Variants in ISY1 observed in about 807,000 individuals in gnomAD.
ISY1 encodes the protein pre-mRNA-splicing factor ISY1 homolog.
A neutral mutation model predicts 54.4 loss-of-function variants in ISY1; 12 were observed. The ratio of observed to expected loss-of-function variants is 0.22; its 90% CI spans 0.14 to 0.36. The LOEUF (loss-of-function observed/expected upper bound fraction) is 0.36. ISY1 is among the 10% of genes least tolerant of loss of function. The pLI, the probability that ISY1 is intolerant of heterozygous loss-of-function variation, is 1.00. For missense variants in ISY1, 282 were observed against 342.2 expected, an observed-to-expected ratio of 0.82 and a Z score of 1.39; for synonymous variants, 96 against 117.9, an observed-to-expected ratio of 0.81 and a Z score of 1.20.
intron 8 of ISY1, among the ~76,000 whole-genome samples, chr3:129,134,469 AAG>A (rs1015284294): frequency 6.6e-6 from 1 of 152,192 alleles, no homozygotes; most frequent in Non-Finnish European, 1.5e-5. Flanking sequence ...TCCACATGAA[AAG>A]AGAGAAGGCA....
intron 5 of ISY1, among the ~76,000 whole-genome samples, chr3:129,147,593 G>A (rs1936807962): frequency 6.6e-6 from 1 of 152,116 alleles, no homozygotes; most frequent in Non-Finnish European, 1.5e-5. Flanking sequence ...GCATCTTGGA[G>A]AAAACAAGAA....
chr3:129,135,765 C>CA (rs751769006), intron 7 of ISY1, among the ~76,000 whole-genome samples: 2,022 of 109,442 alleles, frequency 0.018, 20 homozygotes, highest in African/African-American at 0.019. Context: ...GACTCCATCT[C>CA]AAAAAAAAAA....
intron 6 of ISY1, among the ~76,000 whole-genome samples, chr3:129,143,414 A>T (rs1221956865): frequency 1.3e-5 from 2 of 149,876 alleles, no homozygotes; most frequent in African/African-American, 2.5e-5. Flanking sequence ...GCTGGGGCAC[A>T]AGAATTGCTT....
At chr3:129,154,689 G>T (rs545036608) in intron 5 of ISY1, among the ~76,000 whole-genome samples, 1 of 115,098 alleles carries the variant, frequency 8.7e-6, no homozygotes, top group South Asian at 3.3e-4. Flanking sequence ...CAATTTTATT[G>T]ATCTTTTTTT....
At chr3:129,149,682 C>A (rs1936894323) in intron 5 of ISY1, among the ~76,000 whole-genome samples, 1 of 136,228 alleles carries the variant, frequency 7.3e-6, no homozygotes. Flanking sequence ...CTTGTAGTCC[C>A]AGCTACTTGG....
Position 129,127,872 on chromosome 3 carries a change from G to A in ISY1, c.*2209C>T, listed in dbSNP as rs1205064024. The stretch of plus-strand genomic sequence containing the variant: ...CACCTGCCATCCTTCCCAGGGAGAA[G>A]GAAGGCCTGATGTCTGGATTCCCCA... On this transcript the variant is annotated 3_prime_UTR_variant, in exon 11 of 11. Coordinates refer to ENST00000393295, the MANE Select transcript of ISY1 (RefSeq NM_020701.4). 3 of 152,290 alleles carry A rather than the reference G, an allele frequency of 2.0e-5. No homozygotes were observed. The highest frequency in any genetic ancestry group is 7.2e-5 in the African/African-American group (3 of 41,468). The allele number at this position is 152,290 out of a possible 1,614,324, so 9.4% of individuals were successfully genotyped here. A position where few individuals can be genotyped will look rare whatever the true frequency, so the allele number is the denominator to read the frequency against.
chr3:129,159,790 G>C (rs893234240), intron 1 of ISY1, among the ~76,000 whole-genome samples: 3 of 152,112 alleles, frequency 2.0e-5, no homozygotes, highest in Non-Finnish European at 4.4e-5. Context: ...CTATCACTCA[G>C]TTTCCCCATC....
At chr3:129,152,985 G>A (rs373713883) in intron 5 of ISY1, among the ~76,000 whole-genome samples, 55 of 149,258 alleles carry the variant, frequency 3.7e-4, no homozygotes, top group African/African-American at 1.2e-3. Flanking sequence ...AAGGTATTTA[G>A]AAATGAATTC....
At chr3:129,159,001 G>C (rs770116752) in intron 2 of ISY1, among the ~76,000 whole-genome samples, 153 bp downstream of exon 2, 2 of 152,082 alleles carry the variant, frequency 1.3e-5, no homozygotes, top group Non-Finnish European at 2.9e-5. Flanking sequence ...GGCAAAAACA[G>C]GAATGTTTTT....
chr3:129,135,043 G>A (rs1936350241), intron 7 of ISY1, 89 bp from the exon 8 acceptor site: 2 of 1,454,810 alleles, frequency 1.4e-6, no homozygotes, highest in Non-Finnish European at 1.8e-6. Flanking sequence ...ACACACACGT[G>A]GCACGTATGT....
intron 3 of ISY1, among the ~76,000 whole-genome samples, chr3:129,157,332 T>G (rs1203533176): frequency 1.3e-5 from 2 of 152,066 alleles, no homozygotes; most frequent in African/African-American, 4.8e-5. Context: ...TGGGTGAGTC[T>G]CTAAGAAATG....
At chr3:129,139,261 T>A (rs1409710219) in intron 7 of ISY1, among the ~76,000 whole-genome samples, 1 of 152,136 alleles carries the variant, frequency 6.6e-6, no homozygotes, top group Non-Finnish European at 1.5e-5. Flanking sequence ...AAAAAATATA[T>A]TCCTTCATAA....
chr3:129,158,345 G>A (rs1425977078), intron 3 of ISY1, among the ~76,000 whole-genome samples, 163 bp downstream of exon 3: 1 of 151,866 alleles, frequency 6.6e-6, no homozygotes, highest in Non-Finnish European at 1.5e-5. Context: ...TTTTTGTAAA[G>A]AAGGGATTTT....
intron 5 of ISY1, among the ~76,000 whole-genome samples, chr3:129,153,159 G>A (rs372192766): frequency 2.6e-5 from 4 of 151,836 alleles, no homozygotes; most frequent in African/African-American, 4.8e-5. Flanking sequence ...ACACGCATGC[G>A]TCACCATGCC....
At position 129,155,418 on chromosome 3, in the gene ISY1, T is replaced by C. The variant is rs558448156; in HGVS notation, c.187+1215A>G. ...CCATGTTGGCCAGGATAGTCTCTTA[T>C]CTCCTAACCTCGTGATCCACCCGCC... On this transcript the variant is annotated intron_variant, in intron 5 of 10. Coordinates refer to ENST00000393295, the MANE Select transcript of ISY1 (RefSeq NM_020701.4). 2.7e-3 allele frequency among the ~76,000 whole-genome samples: 407 copies of C among 151,916 alleles called. 2 individuals carry two copies. In the South Asian group the frequency reaches 0.028, roughly 10 times the overall value.
At chr3:129,137,745 C>G (rs1282337581) in intron 7 of ISY1, among the ~76,000 whole-genome samples, 6 of 150,638 alleles carry the variant, frequency 4.0e-5, no homozygotes, top group Non-Finnish European at 8.9e-5. Flanking sequence ...CCCGTCTCTA[C>G]TAAAAAAATA....
In ISY1 at chr3:129,150,343, G is replaced by A. The variant is rs565927783; in HGVS notation, c.188-4470C>T. On this transcript the variant is annotated intron_variant, in intron 5 of 10. Transcript: ENST00000393295. ...GCACAGTGTATCTCCCCATTCATTC[G>A]GGTCTTCTTTGGTTTCTTTAGTCAT... 5.3e-5 allele frequency among the ~76,000 whole-genome samples: 8 copies of A among 152,166 alleles called. No individual in the cohort carries two copies. The East Asian group carries it at 9.6e-4, about 18-fold the overall frequency.
At chr3:129,138,418 G>C (rs1462170331) in intron 7 of ISY1, among the ~76,000 whole-genome samples, 3 of 149,694 alleles carry the variant, frequency 2.0e-5, no homozygotes, top group Non-Finnish European at 4.5e-5. Flanking sequence ...GGTGGATCAC[G>C]AGGTCAGGAG....
Position 129,129,989 on chromosome 3 carries a change from G to C in ISY1, c.*92C>G. Reference sequence around the variant, plus strand: ...GGAAGGAAGGCTGAGAATGGGGCAGGAGCCCTTGCAGCACCAGCCTGTGTC... The same window carrying C: ...GGAAGGAAGGCTGAGAATGGGGCAGCAGCCCTTGCAGCACCAGCCTGTGTC... On this transcript the variant is annotated 3_prime_UTR_variant, in exon 11 of 11. Coordinates refer to ENST00000393295, the MANE Select transcript of ISY1 (RefSeq NM_020701.4). 1 of 963,466 alleles carries C rather than the reference G, an allele frequency of 1.0e-6. No individual in the cohort carries two copies. The highest frequency in any genetic ancestry group is 1.7e-5 in the South Asian group (1 of 57,596). 59.7% of individuals were successfully genotyped at this position (963,466 alleles called of 1,614,324 possible).
Sources: allele counts gnomAD v4.1 joint callset (sites outside exome capture counted in the v4.1 genomes callset), GRCh38; gene constraint gnomAD v4.1.1; transcripts MANE v1.5; gene names NCBI Gene and HGNC (gene_info 2026-07-23, HGNC 2026-07-21).